OCIAD1: variants seen among roughly 807,000 people sequenced by gnomAD.
OCIAD1 encodes the protein OCIA domain containing 1, also known as OCIA domain-containing protein 1.
In OCIAD1, 29 loss-of-function variants were observed where a neutral mutation model predicts 38.9. That is an observed-to-expected ratio of 0.74 (90% CI 0.55 to 1.02). The LOEUF (loss-of-function observed/expected upper bound fraction) is 1.02, where lower values mean the gene tolerates loss of function less well. OCIAD1 is among the 50% of genes least tolerant of loss of function. The pLI, the probability that OCIAD1 is intolerant of heterozygous loss-of-function variation, is 0.00. For missense variants in OCIAD1, 288 were observed against 289.6 expected, an observed-to-expected ratio of 0.99 and a Z score of 0.04; for synonymous variants, 110 against 92.0, an observed-to-expected ratio of 1.20 and a Z score of -1.12.
chr4:48,851,840 G>A lies in OCIAD1; in HGVS notation c.412G>A (p.Val138Met). The A allele has an allele frequency of 6.2e-7, 1 of 1,613,008 alleles. No individual in the cohort carries two copies. Among genetic ancestry groups the A allele is most frequent in the Non-Finnish European group, 8.5e-7 (1 of 1,179,172 alleles). The change falls in exon 7 of 9, where the codon GTG becomes ATG. Residue 138 changes from valine to methionine, a missense_variant. Transcript: ENST00000264312. ...YYQKSKYDSS[V>M]SGQSSFVTSP... ...TCAAAAGTCAAAATATGACTCAAGT[G>A]TGAGTGGTCAATCATCTTTTGTGAC...
chr4:48,821,399 C>G (rs1777192836), intron 1 of OCIAD1, among the ~76,000 whole-genome samples: 1 of 152,124 alleles, frequency 6.6e-6, no homozygotes, highest in Non-Finnish European at 1.5e-5. Flanking sequence ...TGGAACATAT[C>G]TCAAAATAAT....
intron 1 of OCIAD1, among the ~76,000 whole-genome samples, chr4:48,816,966 T>A (rs953776130): frequency 8.6e-5 from 13 of 151,972 alleles, no homozygotes; most frequent in Admixed American, 3.9e-4. Context: ...CGAGACTCCC[T>A]CCTCCCCAAA....
intron 1 of OCIAD1, among the ~76,000 whole-genome samples, chr4:48,820,616 G>C (rs1336925525): frequency 6.6e-6 from 1 of 152,096 alleles, no homozygotes; most frequent in Non-Finnish European, 1.5e-5. Context: ...TCCAGGAGCT[G>C]GTTTTTTGAA....
intron 4 of OCIAD1, among the ~76,000 whole-genome samples, chr4:48,847,447 A>T (rs1177887022): frequency 6.6e-6 from 1 of 152,144 alleles, no homozygotes; most frequent in African/African-American, 2.4e-5. Flanking sequence ...CTTCTTTCTA[A>T]TAGGTGCTTT....
intron 1 of OCIAD1, among the ~76,000 whole-genome samples, chr4:48,805,551 C>T (rs1357281043): frequency 6.6e-6 from 1 of 152,054 alleles, no homozygotes; most frequent in Non-Finnish European, 1.5e-5. Flanking sequence ...TGAAAAAAGA[C>T]ATAAGATTTT....
At chr4:48,821,083 C>G (rs1034208232) in intron 1 of OCIAD1, among the ~76,000 whole-genome samples, 1 of 152,158 alleles carries the variant, frequency 6.6e-6, no homozygotes, top group Admixed American at 6.5e-5. Context: ...GAAAACCTGG[C>G]AGAGACACAA....
intron 8 of OCIAD1, among the ~76,000 whole-genome samples, 160 bp downstream of exon 8, chr4:48,857,525 CTT>C (rs367805823): frequency 2.1e-5 from 3 of 144,538 alleles, no homozygotes; most frequent in Non-Finnish European, 3.1e-5. Flanking sequence ...GTTATCAGTT[CTT>C]TTTTTTTTTT....
chr4:48,844,192 GACTGA>G (rs1329039181), intron 4 of OCIAD1, among the ~76,000 whole-genome samples: 9 of 152,136 alleles, frequency 5.9e-5, no homozygotes, highest in African/African-American at 2.2e-4. Context: ...AGGCAATCAG[GACTGA>G]ACTGAAGAGA....
chr4:48,818,934 C>A (rs939053884), intron 1 of OCIAD1, among the ~76,000 whole-genome samples: 3 of 151,482 alleles, frequency 2.0e-5, no homozygotes, highest in African/African-American at 7.3e-5. Context: ...GTGAAAAGAC[C>A]AAACCTACAA....
chr4:48,856,938 G>T (rs549252040), intron 7 of OCIAD1: 69 of 193,244 alleles, frequency 3.6e-4, no homozygotes, highest in African/African-American at 1.6e-3. Context: ...TATATATTAT[G>T]ATACATATTT....
chr4:48,837,848 A>G (rs1039407719), intron 3 of OCIAD1, among the ~76,000 whole-genome samples: 1 of 152,144 alleles, frequency 6.6e-6, no homozygotes, highest in African/African-American at 2.4e-5. Context: ...ATGCTGCTGC[A>G]GGTGTTTAAC....
intron 3 of OCIAD1, among the ~76,000 whole-genome samples, chr4:48,842,334 A>G (rs756085431): frequency 1.3e-5 from 2 of 152,140 alleles, no homozygotes; most frequent in Non-Finnish European, 1.5e-5. Flanking sequence ...ATTTTGAGTC[A>G]CTTTTACTGT....
intron 1 of OCIAD1, among the ~76,000 whole-genome samples, chr4:48,817,089 C>A (rs1013624556): frequency 1.1e-4 from 16 of 152,176 alleles, no homozygotes; most frequent in African/African-American, 3.9e-4. Flanking sequence ...CTGAGGCACC[C>A]AGTTCATCTC....
intron 7 of OCIAD1, 45 bp downstream of exon 7, chr4:48,852,020 C>T (rs757157457): frequency 4.1e-6 from 6 of 1,474,242 alleles, no homozygotes; most frequent in African/African-American, 1.4e-5. Flanking sequence ...TATGGTCCAA[C>T]GTATGTATAA....
At chr4:48,812,699 A>G (rs1777102570) in intron 1 of OCIAD1, among the ~76,000 whole-genome samples, 1 of 152,244 alleles carries the variant, frequency 6.6e-6, no homozygotes, top group Non-Finnish European at 1.5e-5. Flanking sequence ...AGTGAGCCCA[A>G]GAGAGACTGG....
chr4:48,823,971 T>C (rs894082756), intron 1 of OCIAD1, among the ~76,000 whole-genome samples: 3 of 149,876 alleles, frequency 2.0e-5, no homozygotes, highest in African/African-American at 7.4e-5. Flanking sequence ...CTGGCTTTCT[T>C]TGAATTCTTC....
intron 3 of OCIAD1, among the ~76,000 whole-genome samples, chr4:48,835,896 T>C (rs1777938193): frequency 1.3e-5 from 2 of 152,152 alleles, no homozygotes; most frequent in African/African-American, 4.8e-5. Context: ...GGAGTAGCAT[T>C]TGGAAGAAAG....
At chr4:48,830,723 G>A (rs1252714770), upstream of OCIAD1, 1 of 152,180 alleles carries the variant, frequency 6.6e-6, no homozygotes, top group African/African-American at 2.4e-5. Context: ...CAGGCTCAAA[G>A]AATGAAATTA....
At chr4:48,828,384 G>A (rs1175296884), upstream of OCIAD1, among the ~76,000 whole-genome samples, 1 of 152,210 alleles carries the variant, frequency 6.6e-6, no homozygotes, top group African/African-American at 2.4e-5. Context: ...CAATCAGCAG[G>A]ATGTGTGTGG....
Sources: gnomAD v4.1 joint callset for allele counts (sites outside exome capture counted in the v4.1 genomes callset) on GRCh38, gnomAD v4.1.1 for gene constraint, MANE v1.5 for transcripts, NCBI Gene and HGNC (gene_info 2026-07-23, HGNC 2026-07-21) for gene names.